CACNA1E: variants seen among roughly 807,000 people sequenced by gnomAD.
CACNA1E encodes voltage-dependent R-type calcium channel subunit alpha-1E.
In CACNA1E, 40 loss-of-function variants were observed where a neutral mutation model predicts 259.2. The observed-to-expected ratio is 0.15, with a 90% CI of 0.12 to 0.20. The LOEUF (loss-of-function observed/expected upper bound fraction) is 0.20, where lower values mean the gene tolerates loss of function less well. Ranked by LOEUF, CACNA1E falls within the 10% of genes least tolerant of loss-of-function variation. CACNA1E has a pLI of 1.00. For synonymous variants in CACNA1E, 1,104 were observed against 1,138.5 expected (o/e 0.97, Z 0.61); for missense variants, 1,874 against 3,040.1 (o/e 0.62, Z 9.02).
chr1:181,638,260 G>A (rs1268564862), intron 6 of CACNA1E, among the ~76,000 whole-genome samples: 1 of 152,138 alleles, frequency 6.6e-6, no homozygotes, highest in Non-Finnish European at 1.5e-5. Context: ...GAGCAGGGAA[G>A]GAATTGCCAA....
intron 1 of CACNA1E, among the ~76,000 whole-genome samples, chr1:181,400,370 G>A (rs1260416468): frequency 2.0e-5 from 3 of 152,060 alleles, no homozygotes; most frequent in African/African-American, 4.8e-5. Flanking sequence ...CTCCTTTCCT[G>A]AAGTTTATGT....
At chr1:181,678,581 A>T (rs1467108775) in intron 7 of CACNA1E, among the ~76,000 whole-genome samples, 1 of 152,238 alleles carries the variant, frequency 6.6e-6, no homozygotes, top group African/African-American at 2.4e-5. Context: ...TACTGGTATT[A>T]GGATTTGAAA....
At chr1:181,332,466 T>C (rs1295062161) in intron 1 of CACNA1E, among the ~76,000 whole-genome samples, 1 of 152,222 alleles carries the variant, frequency 6.6e-6, no homozygotes, top group Non-Finnish European at 1.5e-5. Flanking sequence ...ATTCATGGCT[T>C]GTTAAGTGTG....
At chr1:181,716,008 CCT>C in intron 9 of CACNA1E, 30 bp from the exon 10 acceptor site, 1 of 1,472,120 alleles carries the variant, frequency 6.8e-7, no homozygotes, top group Non-Finnish European at 9.3e-7. Context: ...GTACTTGTGG[CCT>C]CTCACTGGTC....
In CACNA1E at chr1:181,732,972, C is replaced by G; in HGVS notation, c.2886C>G (p.Leu962=). ...CTGAAGGGGAGAAGGACCATGAGCT[C>G]AGGGGCAACCATGGTGCCAAGGAGC... The part of the protein sequence containing the change: ...MPTEGEKDHE[L]RGNHGAKEPT... Residue 962 remains leucine (L), a synonymous_variant, in exon 20 of 48, where the codon CTC becomes CTG. Transcript: ENST00000367573. This position sits in a 1 kb window ranked among gnomAD's most constrained non-coding sequence, Gnocchi z 5.5. The G allele has an allele frequency of 6.2e-7, 1 of 1,613,690 alleles. No homozygotes were observed. The highest frequency in any genetic ancestry group is 8.5e-7 in the Non-Finnish European group (1 of 1,179,772).
At chr1:181,327,265 T>C (rs1650868049) in intron 1 of CACNA1E, among the ~76,000 whole-genome samples, 1 of 152,190 alleles carries the variant, frequency 6.6e-6, no homozygotes, top group Admixed American at 6.5e-5. Context: ...GATGGGGTCA[T>C]TGTGCTCGCC....
At chr1:181,352,901 G>A (rs934677430) in intron 1 of CACNA1E, among the ~76,000 whole-genome samples, 8 of 121,094 alleles carry the variant, frequency 6.6e-5, no homozygotes, top group Admixed American at 5.2e-4. Flanking sequence ...GGCTGCAAGA[G>A]AGGAGCAGTG....
At chr1:181,341,175 C>T (rs1245708089) in intron 1 of CACNA1E, among the ~76,000 whole-genome samples, 3 of 152,026 alleles carry the variant, frequency 2.0e-5, no homozygotes, top group Non-Finnish European at 4.4e-5. Context: ...TATGATTGCT[C>T]CTATTCCAGT....
chr1:181,789,829 C>G (rs1661142255), intron 43 of CACNA1E, among the ~76,000 whole-genome samples: 1 of 152,234 alleles, frequency 6.6e-6, no homozygotes, highest in African/African-American at 2.4e-5. Context: ...ATCCTCTTTT[C>G]TCACCACCAT....
chr1:181,775,981 A>G lies in CACNA1E; in HGVS notation c.5140-120A>G, dbSNP rs888487407. 3 of 868,282 alleles carry G rather than the reference A, an allele frequency of 3.5e-6. No homozygotes were observed. The African/African-American group carries it at 5.1e-5, about 15-fold the overall frequency. 53.8% of individuals were successfully genotyped at this position (868,282 alleles called of 1,614,324 possible). ...ATCCCTGACTATTCCCTGTCCCTGC[A>G]TACCTCTGTTCTGGCTCGTTTGCTA... On this transcript the variant is annotated intron_variant, in intron 37 of 47. Transcript: ENST00000367573.
chr1:181,564,359 G>T (rs1428604609), intron 3 of CACNA1E, among the ~76,000 whole-genome samples: 1 of 152,162 alleles, frequency 6.6e-6, no homozygotes, highest in African/African-American at 2.4e-5. Context: ...ATCAGGAGTA[G>T]ATTTTACCTC....
chr1:181,778,164 C>T (rs1054723953), intron 38 of CACNA1E, among the ~76,000 whole-genome samples: 1 of 152,130 alleles, frequency 6.6e-6, no homozygotes, highest in African/African-American at 2.4e-5. Context: ...GTTTGGTTGG[C>T]TTTCTTTATA....
intron 1 of CACNA1E, among the ~76,000 whole-genome samples, chr1:181,347,971 A>G (rs1442690089): frequency 1.3e-5 from 2 of 152,268 alleles, no homozygotes; most frequent in Non-Finnish European, 2.9e-5. Flanking sequence ...GGCACCATCC[A>G]GAGGCGGCTC....
intron 1 of CACNA1E, among the ~76,000 whole-genome samples, chr1:181,495,226 C>A (rs548318886): frequency 5.3e-5 from 8 of 152,254 alleles, no homozygotes; most frequent in African/African-American, 1.9e-4. Context: ...GAAAGCTTCA[C>A]CTTAGAGTTC....
chr1:181,372,732 A>G (rs1409073367), intron 1 of CACNA1E, among the ~76,000 whole-genome samples: 1 of 151,592 alleles, frequency 6.6e-6, no homozygotes, highest in Non-Finnish European at 1.5e-5. Context: ...CTGGTTTGTC[A>G]TGGGGGCTCT....
intron 3 of CACNA1E, among the ~76,000 whole-genome samples, chr1:181,553,469 C>G (rs1648400586): frequency 6.6e-6 from 1 of 152,210 alleles, no homozygotes; most frequent in Admixed American, 6.5e-5. Context: ...TTGGCTTCCT[C>G]TCTTCCTATG....
intron 1 of CACNA1E, among the ~76,000 whole-genome samples, chr1:181,404,238 C>T (rs1408175871): frequency 1.3e-5 from 2 of 152,186 alleles, no homozygotes; most frequent in African/African-American, 2.4e-5. Context: ...ATGCCTACTA[C>T]AGTTTTCCTT....
chr1:181,501,947 T>C (rs1572034037), intron 1 of CACNA1E, among the ~76,000 whole-genome samples: 1 of 151,802 alleles, frequency 6.6e-6, no homozygotes, highest in South Asian at 2.1e-4. Flanking sequence ...TTTTTTAGTC[T>C]TTTTTTTTAA....
chr1:181,596,597 T>TGTGTGTGTGTGC (rs1553293354), intron 6 of CACNA1E, among the ~76,000 whole-genome samples: 1 of 144,636 alleles, frequency 6.9e-6, no homozygotes, highest in Non-Finnish European at 1.5e-5. Flanking sequence ...TGTGTGTGTG[T>TGTGTGTGTGTGC]ACACACACAT....
Sources: allele counts gnomAD v4.1 joint callset (sites outside exome capture counted in the v4.1 genomes callset), GRCh38; gene constraint gnomAD v4.1.1; non-coding constraint Gnocchi (gnomAD v3.1); transcripts MANE v1.5; gene names NCBI Gene and HGNC (gene_info 2026-07-23, HGNC 2026-07-21).